Variants in CCDC80 observed in about 807,000 individuals in gnomAD.
The protein encoded by CCDC80 is coiled-coil domain-containing protein 80.
Under a neutral mutation model 78.7 loss-of-function variants are expected in CCDC80, and 49 were observed. The observed-to-expected ratio is 0.62, with a 90% CI of 0.50 to 0.79. The LOEUF (loss-of-function observed/expected upper bound fraction) is 0.79, where lower values mean the gene tolerates loss of function less well. Ranked by LOEUF, CCDC80 falls within the 30% of genes least tolerant of loss-of-function variation. The pLI, the probability that CCDC80 is intolerant of heterozygous loss-of-function variation, is 0.00. For missense variants in CCDC80, 1,205 were observed against 1,198.6 expected (o/e 1.01, Z -0.08); for synonymous variants, 488 against 447.0 (o/e 1.09, Z -1.16).
chr3:112,608,201 T>C (rs934665930), intron 6 of CCDC80, among the ~76,000 whole-genome samples: 1 of 152,212 alleles, frequency 6.6e-6, no homozygotes, highest in Non-Finnish European at 1.5e-5. Context: ...TTTCATAGTT[T>C]TAAATAAAGT....
chr3:112,597,666 C>T lies in CCDC80; in HGVS notation c.*7751G>A, dbSNP rs1559871464. ...TGCCTGAACTGTGAGTATCCAGAAG[C>T]CATTGACCATGTTAATGGTGGAGCC... On this transcript the variant is annotated 3_prime_UTR_variant, in exon 8 of 8. Transcript: ENST00000206423. 6.6e-6 allele frequency: 1 copy of T among 152,036 alleles called. No homozygotes were observed. Among genetic ancestry groups the T allele is most frequent in the Non-Finnish European group, 1.5e-5 (1 of 68,008 alleles). The allele number at this position is 152,036 out of a possible 1,614,324, so 9.4% of individuals were successfully genotyped here.
intron 3 of CCDC80, among the ~76,000 whole-genome samples, chr3:112,626,900 C>A (rs759662814): frequency 9.2e-5 from 14 of 152,094 alleles, no homozygotes; most frequent in Admixed American, 5.9e-4. Flanking sequence ...AGTAAGAAAT[C>A]AACATTTTCT....
intron 3 of CCDC80, among the ~76,000 whole-genome samples, chr3:112,626,016 C>T (rs745599641): frequency 7.6e-4 from 116 of 152,128 alleles, no homozygotes; most frequent in Non-Finnish European, 1.2e-3. Flanking sequence ...CTGATGACTA[C>T]AATTGGAAGA....
In CCDC80 at chr3:112,602,288, C is replaced by G. The variant is rs965077756; in HGVS notation, c.*3129G>C. ...CCTTTCTCCAATCTTTCTCCTTCTTCTCAGGCCTCCTTAGTCCCTGAGACA... is the reference window on the plus strand; with the variant it reads ...CCTTTCTCCAATCTTTCTCCTTCTTGTCAGGCCTCCTTAGTCCCTGAGACA... On this transcript the variant is annotated 3_prime_UTR_variant, in exon 8 of 8. Coordinates refer to ENST00000206423, the MANE Select transcript of CCDC80 (RefSeq NM_199511.3). 1 of 152,196 alleles carries G rather than the reference C, an allele frequency of 6.6e-6. No individual in the cohort carries two copies. Among genetic ancestry groups the G allele is most frequent in the African/African-American group, 2.4e-5 (1 of 41,446 alleles). 9.4% of individuals were successfully genotyped at this position (152,196 alleles called of 1,614,324 possible). A position where few individuals can be genotyped will look rare whatever the true frequency, so the allele number is the denominator to read the frequency against.
In CCDC80 at chr3:112,635,955, T is replaced by C. The variant is rs184209378; in HGVS notation, c.1878+2073A>G. On this transcript the variant is annotated intron_variant, in intron 2 of 7. Transcript: ENST00000206423. ...AGTATGACTAATATCAGGGATACAC[T>C]GTGAAAACCCCCTTTTTTGACTCAC... Among the ~76,000 whole-genome samples the C allele has an allele frequency of 1.9e-3, 291 of 152,320 alleles. 6 individuals carry two copies. Among genetic ancestry groups the C allele is most frequent in the Admixed American group, 0.018 (277 of 15,306 alleles).
chr3:112,628,664 G>T (rs546459395), intron 3 of CCDC80, among the ~76,000 whole-genome samples: 4 of 152,194 alleles, frequency 2.6e-5, no homozygotes, highest in East Asian at 1.9e-4. Flanking sequence ...TGTGTCTTTT[G>T]TTTGTATGAT....
intron 3 of CCDC80, among the ~76,000 whole-genome samples, chr3:112,622,735 A>G (rs1023248461): frequency 1.6e-4 from 24 of 151,882 alleles, no homozygotes; most frequent in African/African-American, 5.8e-4. Flanking sequence ...GGCTCATTGC[A>G]ACCTCTGCCT....
At chr3:112,624,054 TA>T (rs2107485153) in intron 3 of CCDC80, among the ~76,000 whole-genome samples, 1 of 152,286 alleles carries the variant, frequency 6.6e-6, no homozygotes, top group Non-Finnish European at 1.5e-5. Flanking sequence ...AAAGATTTGG[TA>T]ATCACTAGAA....
chr3:112,618,356 TAA>T (rs1935794538), intron 4 of CCDC80, among the ~76,000 whole-genome samples: 1 of 151,988 alleles, frequency 6.6e-6, no homozygotes, highest in Non-Finnish European at 1.5e-5. Context: ...CCATCTCTAC[TAA>T]AAATACAAAA....
chr3:112,629,512 C>T (rs184322627), intron 3 of CCDC80, among the ~76,000 whole-genome samples: 2 of 152,286 alleles, frequency 1.3e-5, no homozygotes, highest in East Asian at 1.9e-4. Context: ...CTGGGCTGTA[C>T]GCCTCATGAG....
Position 112,639,183 on chromosome 3 carries a change from C to T in CCDC80, c.723G>A (p.Thr241=). ...GKFGMVLLKK[T]LQVEERYPYP... Reference sequence around the variant, plus strand: ...ATGGATAGCGCTCCTCCACCTGCAGCGTCTTCTTCAGCAGCACCATGCCAA... The same window carrying T: ...ATGGATAGCGCTCCTCCACCTGCAGTGTCTTCTTCAGCAGCACCATGCCAA... Residue 241 remains threonine, a synonymous_variant, in exon 2 of 8, where the codon ACG becomes ACA. Coordinates refer to ENST00000206423, the MANE Select transcript of CCDC80 (RefSeq NM_199511.3). 6.2e-7 allele frequency: 1 copy of T among 1,614,160 alleles called. No homozygotes were observed. Among genetic ancestry groups the T allele is most frequent in the South Asian group, 1.1e-5 (1 of 91,082 alleles).
At chr3:112,627,473 G>A (rs1936000477) in intron 3 of CCDC80, among the ~76,000 whole-genome samples, 1 of 152,222 alleles carries the variant, frequency 6.6e-6, no homozygotes, top group Admixed American at 6.5e-5. Flanking sequence ...GGACCAGCTG[G>A]TGAGTACGGC....
chr3:112,640,062 T>A, intron 1 of CCDC80, 146 bp from the exon 2 acceptor site: 1 of 1,362,978 alleles, frequency 7.3e-7, no homozygotes, highest in Non-Finnish European at 9.7e-7. Flanking sequence ...AGGAGGGAGG[T>A]CAGGAGATGG....
At position 112,639,613 on chromosome 3, in the gene CCDC80, T is replaced by C. The variant is rs1489013864; in HGVS notation, c.293A>G (p.Asn98Ser). ...PTEPPARSDI[N>S]GAAVRPEQRP... ...TTGCTCAGGTCTCACGGCGGCCCCA[T>C]TGATGTCCGAGCGGGCTGGCGGCTC... The change falls in exon 2 of 8, where the codon AAT (asparagine) becomes AGT (serine). Residue 98 changes from asparagine to serine, a missense_variant. Coordinates refer to ENST00000206423, the MANE Select transcript of CCDC80 (RefSeq NM_199511.3). 7 of 1,614,016 alleles carry C rather than the reference T, an allele frequency of 4.3e-6. No individual in the cohort carries two copies. In the Admixed American group the frequency reaches 6.7e-5, roughly 15 times the overall value.
chr3:112,623,292 C>G (rs1451015919), intron 3 of CCDC80, among the ~76,000 whole-genome samples: 2 of 152,274 alleles, frequency 1.3e-5, no homozygotes, highest in Admixed American at 1.3e-4. Flanking sequence ...GAAAATTCAG[C>G]TTCAGTTATA....
At chr3:112,614,072 T>C (rs1344556821) in intron 5 of CCDC80, among the ~76,000 whole-genome samples, 1 of 152,274 alleles carries the variant, frequency 6.6e-6, no homozygotes, top group South Asian at 2.1e-4. Flanking sequence ...TCACTGTATT[T>C]GTAAAATTAA....
intron 3 of CCDC80, among the ~76,000 whole-genome samples, chr3:112,628,373 A>G (rs1936023655): frequency 6.6e-6 from 1 of 152,170 alleles, no homozygotes; most frequent in South Asian, 2.1e-4. Flanking sequence ...TTCTGTAATC[A>G]GCACAAAGCA....
At chr3:112,617,411 G>C (rs1935775192) in intron 4 of CCDC80, among the ~76,000 whole-genome samples, 1 of 152,216 alleles carries the variant, frequency 6.6e-6, no homozygotes, top group African/African-American at 2.4e-5. Context: ...TCAGATTCCT[G>C]AATCACAGCT....
In CCDC80 at chr3:112,639,778, G is replaced by A. The variant is rs755474141; in HGVS notation, c.128C>T (p.Pro43Leu). 22 of 1,614,000 alleles carry A rather than the reference G, an allele frequency of 1.4e-5. No individual in the cohort carries two copies. The highest frequency in any genetic ancestry group is 1.8e-5 in the Non-Finnish European group (21 of 1,180,026). The stretch of plus-strand genomic sequence containing the variant: ...AAACCGAGCTGGCCTACTGCTGTCC[G>A]GAGAAACCAAAGGCACTTTCCGTCC... ...HGGRKVPLVSPDSSRPARFLR... is the reference protein window; with the variant it reads ...HGGRKVPLVSLDSSRPARFLR... The change falls in exon 2 of 8, where the codon CCG (proline) becomes CTG (leucine). Residue 43 changes from proline (P) to leucine (L), a missense_variant. Physicochemically the swap from Pro to Leu is moderately conservative, Grantham distance 98. Transcript: ENST00000206423.
Sources: allele counts gnomAD v4.1 joint callset (sites outside exome capture counted in the v4.1 genomes callset), GRCh38; gene constraint gnomAD v4.1.1; transcripts MANE v1.5; gene names NCBI Gene and HGNC (gene_info 2026-07-23, HGNC 2026-07-21).